The following CDH4 variants were observed in gnomAD, a reference collection of about 807,000 sequenced individuals.
The protein encoded by CDH4 is cadherin 4.
A neutral mutation model predicts 86.0 loss-of-function variants in CDH4; 33 were observed. The ratio of observed to expected loss-of-function variants is 0.38; its 90% confidence interval spans 0.29 to 0.51. The LOEUF (loss-of-function observed/expected upper bound fraction) is 0.51, where lower values mean the gene tolerates loss of function less well. CDH4 is among the 20% of genes least tolerant of loss of function. The pLI, the probability that CDH4 is intolerant of heterozygous loss-of-function variation, is 0.86. For missense variants in CDH4, 1,114 were observed against 1,307.4 expected (o/e 0.85, Z 2.28); for synonymous variants, 555 against 549.4 (o/e 1.01, Z -0.14).
At chr20:61,635,686 G>T (rs1418318023) in intron 2 of CDH4, among the ~76,000 whole-genome samples, 1 of 152,186 alleles carries the variant, frequency 6.6e-6, no homozygotes. Flanking sequence ...GGGAATTCTG[G>T]GGGTTGGAGT....
chr20:61,894,341 C>G (rs1015761326), intron 7 of CDH4, among the ~76,000 whole-genome samples: 1 of 152,228 alleles, frequency 6.6e-6, no homozygotes, highest in Non-Finnish European at 1.5e-5. Context: ...AAGCTCACAC[C>G]TGCGCCTGCA....
At chr20:61,874,276 T>A (rs889892163) in intron 7 of CDH4, among the ~76,000 whole-genome samples, 5 of 151,898 alleles carry the variant, frequency 3.3e-5, no homozygotes, top group Admixed American at 6.5e-5. Context: ...ACCCACCCCT[T>A]CTGGGCCTGG....
intron 2 of CDH4, among the ~76,000 whole-genome samples, chr20:61,524,569 CA>C (rs938183997): frequency 6.6e-6 from 1 of 151,958 alleles, no homozygotes; most frequent in African/African-American, 2.4e-5. Context: ...ACTGCAGCCT[CA>C]ACCTCCTGGT....
At chr20:61,712,725 C>T (rs935117235) in intron 2 of CDH4, among the ~76,000 whole-genome samples, 7 of 152,214 alleles carry the variant, frequency 4.6e-5, no homozygotes, top group Non-Finnish European at 8.8e-5. Context: ...GGAGCCGTGG[C>T]GAGCTGGCTG....
At position 61,544,069 on chromosome 20, in the gene CDH4, A is replaced by G. The variant is rs559706909; in HGVS notation, c.170-199494A>G. Among the ~76,000 whole-genome samples the G allele has an allele frequency of 7.9e-5, 12 of 151,898 alleles. No individual in the cohort carries two copies. The highest frequency in any genetic ancestry group is 1.6e-4 in the Non-Finnish European group (11 of 67,980). ...GGCCCCACACCTGGCTCTTGGCACT[A>G]AGGTCCTTGGAGGCTGCCCCACGCC... is the stretch of plus-strand genomic sequence containing the variant. On this transcript the variant is annotated intron_variant, in intron 2 of 15. Coordinates refer to ENST00000614565, the MANE Select transcript of CDH4 (RefSeq NM_001794.5). This position sits in a 1 kb window ranked among gnomAD's most constrained non-coding sequence, Gnocchi z 6.5.
At chr20:61,456,269 G>A (rs1366361475) in intron 2 of CDH4, among the ~76,000 whole-genome samples, 1 of 152,196 alleles carries the variant, frequency 6.6e-6, no homozygotes, top group East Asian at 1.9e-4. Flanking sequence ...CCTCTCCACT[G>A]CTAAATAGAA....
intron 2 of CDH4, among the ~76,000 whole-genome samples, chr20:61,576,152 C>G (rs745592657): frequency 1.7e-4 from 26 of 152,168 alleles, no homozygotes; most frequent in Admixed American, 7.2e-4. Context: ...TGGAGCACAG[C>G]TCCTGGTAGC....
rs753953447 is a variant in CDH4 at position 61,810,436 on chromosome 20, G to A, written c.577-34232G>A. Among the ~76,000 whole-genome samples the A allele has an allele frequency of 3.8e-4, 58 of 152,266 alleles. No homozygotes were observed. In the Middle Eastern group the frequency reaches 0.014, roughly 36 times the overall value. On this transcript the variant is annotated intron_variant, in intron 4 of 15. Coordinates refer to ENST00000614565, the MANE Select transcript of CDH4 (RefSeq NM_001794.5). This position sits in a 1 kb window ranked among gnomAD's most constrained non-coding sequence, Gnocchi z 4.3. ...TTCTGACCTGGGTTCTCAGACCCAA[G>A]TTCTGACCCGGGTTCTCAGACCCAA...
At chr20:61,721,454 A>C (rs539643212) in intron 2 of CDH4, among the ~76,000 whole-genome samples, 1 of 152,078 alleles carries the variant, frequency 6.6e-6, no homozygotes, top group African/African-American at 2.4e-5. Flanking sequence ...AAATCATCAG[A>C]AAAAAAATCA....
At position 61,679,559 on chromosome 20, in the gene CDH4, C is replaced by T. The variant is rs532650376; in HGVS notation, c.170-64004C>T. Among the ~76,000 whole-genome samples, 24 of 152,274 alleles carry T rather than the reference C, an allele frequency of 1.6e-4. No individual in the cohort carries two copies. In the South Asian group the frequency reaches 5.0e-3, roughly 32 times the overall value. Reference sequence around the variant, plus strand: ...CAACGCCAGTGCACACCCAGGAAGCCACTAGCTGCTGGGGATGTCAGGGTC... The same window carrying T: ...CAACGCCAGTGCACACCCAGGAAGCTACTAGCTGCTGGGGATGTCAGGGTC... On this transcript the variant is annotated intron_variant, in intron 2 of 15. Coordinates refer to ENST00000614565, the MANE Select transcript of CDH4 (RefSeq NM_001794.5).
At chr20:61,410,892 T>C (rs1568834388) in intron 2 of CDH4, among the ~76,000 whole-genome samples, 1 of 149,500 alleles carries the variant, frequency 6.7e-6, no homozygotes, top group Non-Finnish European at 1.5e-5. Context: ...AGTTCACTGA[T>C]CTCTCCATCT....
intron 2 of CDH4, among the ~76,000 whole-genome samples, chr20:61,700,178 T>C (rs2145883925): frequency 6.6e-6 from 1 of 152,356 alleles, no homozygotes; most frequent in African/African-American, 2.4e-5. Context: ...CCGTGAGCTC[T>C]GCCTGCTCTT....
intron 2 of CDH4, among the ~76,000 whole-genome samples, chr20:61,731,124 T>C (rs1178074734): frequency 6.6e-6 from 1 of 151,738 alleles, no homozygotes; most frequent in Admixed American, 6.6e-5. Context: ...CACGGCAGGG[T>C]CCTCTCATCT....
intron 5 of CDH4, among the ~76,000 whole-genome samples, chr20:61,849,344 C>A (rs1479456902): frequency 6.6e-6 from 1 of 152,222 alleles, no homozygotes; most frequent in Admixed American, 6.5e-5. Flanking sequence ...TGCCAGCCAG[C>A]AGGGGTGTGT....
chr20:61,798,130 C>T (rs1183924802), intron 4 of CDH4, among the ~76,000 whole-genome samples: 2 of 152,202 alleles, frequency 1.3e-5, no homozygotes, highest in Non-Finnish European at 2.9e-5. Context: ...CACCGTCAGT[C>T]ACCGCCCTCT....
At chr20:61,512,918 T>A (rs2085790853) in intron 2 of CDH4, among the ~76,000 whole-genome samples, 1 of 152,254 alleles carries the variant, frequency 6.6e-6, no homozygotes, top group African/African-American at 2.4e-5. Context: ...TTGTTTGTTT[T>A]TTGGGCCAAT....
chr20:61,835,188 C>T (rs1210819079), intron 4 of CDH4, among the ~76,000 whole-genome samples: 1 of 151,654 alleles, frequency 6.6e-6, no homozygotes, highest in Non-Finnish European at 1.5e-5. Context: ...GCATCTGGGT[C>T]TACAGGCATG....
intron 2 of CDH4, among the ~76,000 whole-genome samples, chr20:61,609,567 T>G (rs2086669435): frequency 6.6e-6 from 1 of 152,086 alleles, no homozygotes; most frequent in Non-Finnish European, 1.5e-5. Context: ...GGAGAGAAGG[T>G]GGAGACCCAG....
intron 2 of CDH4, among the ~76,000 whole-genome samples, chr20:61,689,834 TGAGCTGGGA>T (rs2087632422): frequency 7.5e-6 from 1 of 133,660 alleles, no homozygotes; most frequent in African/African-American, 3.2e-5. Flanking sequence ...GATGTGGAAT[TGAGCTGGGA>T]CGGTGGTTGG....
Sources: allele counts gnomAD v4.1 joint callset (sites outside exome capture counted in the v4.1 genomes callset), GRCh38; gene constraint gnomAD v4.1.1; non-coding constraint Gnocchi (gnomAD v3.1); transcripts MANE v1.5; gene names NCBI Gene and HGNC (gene_info 2026-07-23, HGNC 2026-07-21).